MAF: variants seen among roughly 807,000 people sequenced by gnomAD.
MAF encodes the protein transcription factor Maf.
Under a neutral mutation model 22.0 loss-of-function variants are expected in MAF, and 10 were observed. That is an observed-to-expected ratio of 0.45 (90% CI 0.28 to 0.77). MAF has a LOEUF of 0.77. MAF is among the 30% of genes least tolerant of loss of function. The pLI, the probability that MAF is intolerant of heterozygous loss-of-function variation, is 0.12. For missense variants in MAF, 544 were observed against 548.4 expected, an observed-to-expected ratio of 0.99 and a Z score of 0.08; for synonymous variants, 337 against 255.8, an observed-to-expected ratio of 1.32 and a Z score of -3.03.
At chr16:79,332,976 C>A in the MAF span, among the ~76,000 whole-genome samples, 3 of 152,216 alleles carry the variant, frequency 2.0e-5, no homozygotes, top group Non-Finnish European at 2.9e-5. Flanking sequence ...GCCCAGCTCA[C>A]CCCCTGTCTC....
chr16:79,490,504 C>T, the MAF span, among the ~76,000 whole-genome samples: 1 of 152,212 alleles, frequency 6.6e-6, no homozygotes, highest in Non-Finnish European at 1.5e-5. Flanking sequence ...TACAATGCAA[C>T]TCACTGCAGC....
At chr16:79,539,405 G>T in the MAF span, among the ~76,000 whole-genome samples, 1 of 152,154 alleles carries the variant, frequency 6.6e-6, no homozygotes, top group Non-Finnish European at 1.5e-5. Flanking sequence ...AGAGGGGGCT[G>T]AGGCAAGAGA....
the MAF span, among the ~76,000 whole-genome samples, chr16:79,395,742 A>C: frequency 2.7e-4 from 41 of 152,272 alleles, no homozygotes; most frequent in African/African-American, 8.9e-4. Flanking sequence ...CTGGTTCCCC[A>C]AGCTGTGCGA....
At chr16:79,274,494 T>A in the MAF span, among the ~76,000 whole-genome samples, 1 of 152,078 alleles carries the variant, frequency 6.6e-6, no homozygotes, top group African/African-American at 2.4e-5. Flanking sequence ...GACTCTGGTG[T>A]CCAGGGAGCA....
At chr16:79,491,120 T>C in the MAF span, among the ~76,000 whole-genome samples, 2 of 152,140 alleles carry the variant, frequency 1.3e-5, no homozygotes, top group Admixed American at 6.5e-5. Context: ...CAGTTCGAGA[T>C]AGGATGGGGT....
the MAF span, among the ~76,000 whole-genome samples, chr16:79,369,566 T>C: frequency 6.6e-6 from 1 of 152,240 alleles, no homozygotes; most frequent in Non-Finnish European, 1.5e-5. Context: ...TTTCTTTTTC[T>C]TTATTTTTCC....
chr16:79,570,210 C>T, the MAF span, among the ~76,000 whole-genome samples: 1 of 152,122 alleles, frequency 6.6e-6, no homozygotes, highest in Middle Eastern at 3.4e-3. Flanking sequence ...TAAGATTTAC[C>T]TTTCTTTCTA....
At chr16:79,210,857 T>G in the MAF span, among the ~76,000 whole-genome samples, 2 of 152,172 alleles carry the variant, frequency 1.3e-5, no homozygotes, top group Admixed American at 6.5e-5. Flanking sequence ...TGAATGAAAG[T>G]GATCAGCTGC....
the MAF span, among the ~76,000 whole-genome samples, chr16:79,507,521 T>C: frequency 6.6e-6 from 1 of 151,406 alleles, no homozygotes; most frequent in African/African-American, 2.4e-5. Context: ...GCCTCCTGGG[T>C]TCATGCCATT....
At chr16:79,585,186 A>G (rs1241519460), downstream of MAF, among the ~76,000 whole-genome samples, 2 of 152,204 alleles carry the variant, frequency 1.3e-5, no homozygotes, top group Non-Finnish European at 2.9e-5. Context: ...GGTTCATAAT[A>G]AAATTCATGC....
the MAF span, among the ~76,000 whole-genome samples, chr16:79,247,617 T>C: frequency 1.3e-5 from 2 of 152,276 alleles, no homozygotes; most frequent in African/African-American, 4.8e-5. Flanking sequence ...CTGGAAGTAA[T>C]GGGTGGCTAT....
At chr16:79,284,957 G>A in the MAF span, among the ~76,000 whole-genome samples, 2 of 152,178 alleles carry the variant, frequency 1.3e-5, no homozygotes, top group African/African-American at 4.8e-5. Context: ...TCTCTTTACA[G>A]ATTGCAGATT....
the MAF span, among the ~76,000 whole-genome samples, chr16:79,540,363 G>T: frequency 6.6e-6 from 1 of 152,032 alleles, no homozygotes; most frequent in Non-Finnish European, 1.5e-5. Context: ...TGGTGTCACT[G>T]GCTCCCAGAA....
chr16:79,445,445 A>G, the MAF span, among the ~76,000 whole-genome samples: 1 of 152,218 alleles, frequency 6.6e-6, no homozygotes, highest in Admixed American at 6.5e-5. Context: ...AAATGAGGAG[A>G]CCAAGTCTTC....
the MAF span, among the ~76,000 whole-genome samples, chr16:79,432,933 G>T: frequency 9.9e-5 from 15 of 152,274 alleles, no homozygotes; most frequent in South Asian, 1.9e-3. Flanking sequence ...GCCTCCAAAA[G>T]CCTGAGACAA....
chr16:79,206,158 G>C, the MAF span: 1 of 152,094 alleles, frequency 6.6e-6, no homozygotes, highest in Non-Finnish European at 1.5e-5. Context: ...ACATTTCTCG[G>C]GTGAACACAC....
chr16:79,283,109 A>G, the MAF span, among the ~76,000 whole-genome samples: 1 of 152,222 alleles, frequency 6.6e-6, no homozygotes, highest in African/African-American at 2.4e-5. Context: ...ATCTCTGGTA[A>G]CTGCAACCAG....
At chr16:79,596,408 G>A in intron 1 of MAF, 37 of 1,057,168 alleles carry the variant, frequency 3.5e-5, no homozygotes, top group Non-Finnish European at 4.2e-5. Context: ...CTGGAGAAAA[G>A]GATGCATTTT....
the MAF span, among the ~76,000 whole-genome samples, chr16:79,253,138 T>G: frequency 2.0e-5 from 3 of 152,154 alleles, no homozygotes; most frequent in Non-Finnish European, 2.9e-5. Flanking sequence ...CTTCTTGACC[T>G]TCAAATAGCT....
Sources: allele counts gnomAD v4.1 joint callset (sites outside exome capture counted in the v4.1 genomes callset), GRCh38; gene constraint gnomAD v4.1.1; transcripts MANE v1.5; gene names NCBI Gene and HGNC (gene_info 2026-07-23, HGNC 2026-07-21).